The following B3GALT1 variants were observed in gnomAD, a reference collection of about 807,000 sequenced individuals.
B3GALT1 encodes beta-1,3-galactosyltransferase 1.
In B3GALT1, 10 loss-of-function variants were observed where a neutral mutation model predicts 23.2. That is an observed-to-expected ratio of 0.43 (90% confidence interval 0.27 to 0.73). The LOEUF is 0.73. B3GALT1 is among the 30% of genes least tolerant of loss of function. The pLI is 0.21. For missense variants in B3GALT1, 299 were observed against 405.4 expected (o/e 0.74, Z 2.25); for synonymous variants, 156 against 141.5 (o/e 1.10, Z -0.73).
At chr2:167,715,975 T>C in intron 3 of B3GALT1, 1 of 1,612,672 alleles carries the variant, frequency 6.2e-7, no homozygotes, top group Non-Finnish European at 8.5e-7. Flanking sequence ...GAATCTTGTC[T>C]CATACTCTCA....
intron 4 of B3GALT1, among the ~76,000 whole-genome samples, chr2:167,831,025 T>C (rs1263799411): frequency 6.6e-6 from 1 of 152,248 alleles, no homozygotes; most frequent in Non-Finnish European, 1.5e-5. Flanking sequence ...TAAATTTGTA[T>C]GCTACCAAGT....
chr2:167,457,761 A>G (rs1288487749), intron 1 of B3GALT1, among the ~76,000 whole-genome samples: 1 of 152,100 alleles, frequency 6.6e-6, no homozygotes, highest in Non-Finnish European at 1.5e-5. Context: ...TTAGACTAGC[A>G]GTTCTCAAAG....
At chr2:167,603,918 A>C (rs1558921530) in intron 2 of B3GALT1, among the ~76,000 whole-genome samples, 1 of 152,074 alleles carries the variant, frequency 6.6e-6, no homozygotes. Context: ...ATCACATAGA[A>C]CAAAAACGAC....
intron 1 of B3GALT1, among the ~76,000 whole-genome samples, chr2:167,465,989 T>G (rs1427056761): frequency 6.6e-6 from 1 of 152,170 alleles, no homozygotes; most frequent in African/African-American, 2.4e-5. Flanking sequence ...TATCTGCTGC[T>G]TCTAAGTCAG....
At chr2:167,690,458 TAAA>T (rs1484147334) in intron 3 of B3GALT1, among the ~76,000 whole-genome samples, 4 of 152,106 alleles carry the variant, frequency 2.6e-5, no homozygotes, top group African/African-American at 9.7e-5. Flanking sequence ...GTGAAATCCT[TAAA>T]AAACATAATT....
rs181572242 is a variant in B3GALT1 at position 167,776,311 on chromosome 2, C to T, written c.-351-42361C>T. Among the ~76,000 whole-genome samples the T allele has an allele frequency of 1.4e-4, 21 of 152,134 alleles. No individual in the cohort carries two copies. In the East Asian group the frequency reaches 3.1e-3, roughly 22 times the overall value. On this transcript the variant is annotated intron_variant, in intron 3 of 4. Coordinates refer to ENST00000392690, the MANE Select transcript of B3GALT1 (RefSeq NM_020981.4). ...ACACTATTTTTCCTCAACTATGCTC[C>T]GACAGAAATGGACATGTTGTAGAGG...
intron 3 of B3GALT1, among the ~76,000 whole-genome samples, chr2:167,717,878 C>G (rs965297661): frequency 6.6e-6 from 1 of 152,168 alleles, no homozygotes; most frequent in African/African-American, 2.4e-5. Context: ...CCGTCTGTCT[C>G]TATGCAATTT....
chr2:167,488,862 C>A (rs1334742805), intron 1 of B3GALT1, among the ~76,000 whole-genome samples: 1 of 151,852 alleles, frequency 6.6e-6, no homozygotes, highest in Non-Finnish European at 1.5e-5. Context: ...AGGCTTGTTT[C>A]ATGCAACTTT....
At chr2:167,385,278 C>T (rs1697909678) in intron 1 of B3GALT1, among the ~76,000 whole-genome samples, 1 of 152,140 alleles carries the variant, frequency 6.6e-6, no homozygotes, top group South Asian at 2.1e-4. Context: ...AACATTCTGC[C>T]CACATTCTGC....
intron 3 of B3GALT1, among the ~76,000 whole-genome samples, chr2:167,816,922 T>C (rs1021243000): frequency 6.6e-6 from 1 of 152,218 alleles, no homozygotes; most frequent in African/African-American, 2.4e-5. Context: ...ACACTCCCAT[T>C]ATTAGAATAA....
rs1696279367 is a variant in B3GALT1, at chr2:167,293,158, C to T, written c.-687C>T. On this transcript the variant is annotated 5_prime_UTR_variant, in exon 1 of 5. Coordinates refer to ENST00000392690, the MANE Select transcript of B3GALT1 (RefSeq NM_020981.4). ...CGGCGCTGCCGGTCTTGCAGGCGGC[C>T]GCCGGGGAGGGGCGGCCGAGAGAGC... 1 of 151,458 alleles carries T rather than the reference C, an allele frequency of 6.6e-6. No individual in the cohort carries two copies. The highest frequency in any genetic ancestry group is 6.6e-5 in the Admixed American group (1 of 15,216). 9.4% of individuals were successfully genotyped at this position (151,458 alleles called of 1,614,324 possible). A position where few individuals can be genotyped will look rare whatever the true frequency, so the allele number is the denominator to read the frequency against.
chr2:167,409,666 G>C (rs1698360769), intron 1 of B3GALT1, among the ~76,000 whole-genome samples: 1 of 151,966 alleles, frequency 6.6e-6, no homozygotes, highest in Non-Finnish European at 1.5e-5. Context: ...CTTTTATCAA[G>C]GTTCTTAGCT....
chr2:167,675,603 G>C (rs1686411107), intron 3 of B3GALT1, among the ~76,000 whole-genome samples: 1 of 152,164 alleles, frequency 6.6e-6, no homozygotes, highest in African/African-American at 2.4e-5. Flanking sequence ...GCTATGAGCA[G>C]TGTTACTGTC....
At chr2:167,644,343 G>A (rs1397303823) in intron 2 of B3GALT1, among the ~76,000 whole-genome samples, 7 of 152,032 alleles carry the variant, frequency 4.6e-5, no homozygotes, top group Admixed American at 3.3e-4. Flanking sequence ...TTAAAAAATG[G>A]GAAGGGACAA....
intron 3 of B3GALT1, among the ~76,000 whole-genome samples, chr2:167,690,616 G>A (rs1178918207): frequency 6.6e-6 from 1 of 152,062 alleles, no homozygotes; most frequent in African/African-American, 2.4e-5. Flanking sequence ...ACAATTCTGT[G>A]TCTTATTTGA....
chr2:167,587,274 G>C (rs139729271), intron 2 of B3GALT1, among the ~76,000 whole-genome samples: 1 of 151,984 alleles, frequency 6.6e-6, no homozygotes, highest in Admixed American at 6.6e-5. Flanking sequence ...ATATTTTTAC[G>C]TAAAATGTAT....
chr2:167,405,721 A>G (rs984311996), intron 1 of B3GALT1, among the ~76,000 whole-genome samples: 2 of 152,150 alleles, frequency 1.3e-5, no homozygotes, highest in African/African-American at 2.4e-5. Context: ...AATTTTAAAT[A>G]TAGTACATGG....
At chr2:167,344,607 A>G (rs1697199550) in intron 1 of B3GALT1, among the ~76,000 whole-genome samples, 1 of 152,188 alleles carries the variant, frequency 6.6e-6, no homozygotes, top group Non-Finnish European at 1.5e-5. Flanking sequence ...AAATTTTTCA[A>G]ATAGGCCCTG....
At chr2:167,732,233 C>A (rs1460605781) in intron 3 of B3GALT1, among the ~76,000 whole-genome samples, 3 of 152,228 alleles carry the variant, frequency 2.0e-5, no homozygotes, top group African/African-American at 7.2e-5. Context: ...CATTAAGAGG[C>A]ATAAAATTGT....
Sources: allele counts gnomAD v4.1 joint callset (sites outside exome capture counted in the v4.1 genomes callset), GRCh38; gene constraint gnomAD v4.1.1; transcripts MANE v1.5; gene names NCBI Gene and HGNC (gene_info 2026-07-23, HGNC 2026-07-21).